The following RAB8B variants were observed in gnomAD, a reference collection of about 807,000 sequenced individuals.
RAB8B encodes ras-related protein Rab-8B.
A neutral mutation model predicts 32.0 loss-of-function variants in RAB8B; 11 were observed. The ratio of observed to expected loss-of-function variants is 0.34; its 90% CI spans 0.22 to 0.57. The LOEUF (loss-of-function observed/expected upper bound fraction) is 0.57, where lower values mean the gene tolerates loss of function less well. Ranked by LOEUF, RAB8B falls within the 20% of genes least tolerant of loss-of-function variation. RAB8B has a pLI of 0.86. For synonymous variants in RAB8B, 103 were observed against 89.6 expected (o/e 1.15, Z -0.85); for missense variants, 190 against 258.5 (o/e 0.73, Z 1.82).
Position 63,230,797 on chromosome 15 carries a change from A to C in RAB8B, c.125-13959A>C, listed in dbSNP as rs1455713752. Among the ~76,000 whole-genome samples the C allele has an allele frequency of 8.5e-5, 13 of 152,232 alleles. No homozygotes were observed. The South Asian group carries it at 2.7e-3, about 32-fold the overall frequency. ...TGTAGCCTTGAACTCCTAGGCTCAA[A>C]TGATCCTCCTGCCTCTGTCTCCCGA... On this transcript the variant is annotated intron_variant, in intron 1 of 7. Transcript: ENST00000321437.
At chr15:63,220,077 T>A (rs775392253) in intron 1 of RAB8B, among the ~76,000 whole-genome samples, 11 of 152,230 alleles carry the variant, frequency 7.2e-5, no homozygotes, top group Non-Finnish European at 4.4e-5. Context: ...AAATATCCAA[T>A]TATTTCCCCC....
intron 7 of RAB8B, 146 bp downstream of exon 7, chr15:63,262,888 C>T (rs2038214255): frequency 3.6e-6 from 1 of 277,596 alleles, no homozygotes; most frequent in Non-Finnish European, 7.0e-6. Flanking sequence ...ATTCTTAGTT[C>T]TGTTTGTTTA....
intron 1 of RAB8B, among the ~76,000 whole-genome samples, chr15:63,232,456 G>C (rs1015893903): frequency 2.0e-5 from 3 of 152,120 alleles, no homozygotes; most frequent in Admixed American, 6.5e-5. Flanking sequence ...GTTATATTTT[G>C]TTGGTATGAT....
At chr15:63,205,177 G>T (rs2037687962) in intron 1 of RAB8B, among the ~76,000 whole-genome samples, 1 of 152,150 alleles carries the variant, frequency 6.6e-6, no homozygotes, top group Non-Finnish European at 1.5e-5. Flanking sequence ...GTGGGCACCT[G>T]TAATCCCAGC....
At chr15:63,195,004 C>T (rs906840242) in intron 1 of RAB8B, among the ~76,000 whole-genome samples, 18 of 152,148 alleles carry the variant, frequency 1.2e-4, no homozygotes, top group Non-Finnish European at 1.0e-4. Flanking sequence ...CAAACTTTGT[C>T]ATATTTACAT....
chr15:63,202,255 G>A (rs1448389900), intron 1 of RAB8B, among the ~76,000 whole-genome samples: 5 of 150,820 alleles, frequency 3.3e-5, no homozygotes, highest in African/African-American at 9.8e-5. Context: ...TCCAGCCAGG[G>A]CGACAGAGCG....
At chr15:63,262,305 A>T (rs1412794745) in intron 6 of RAB8B, among the ~76,000 whole-genome samples, 1 of 152,154 alleles carries the variant, frequency 6.6e-6, no homozygotes, top group Non-Finnish European at 1.5e-5. Context: ...ATATCACATG[A>T]AGAAAATATT....
chr15:63,246,758 G>A (rs754813520), intron 2 of RAB8B, among the ~76,000 whole-genome samples: 5 of 152,168 alleles, frequency 3.3e-5, no homozygotes, highest in Non-Finnish European at 7.3e-5. Context: ...TTCTCCAGAG[G>A]TCGAATGGTA....
chr15:63,249,939 A>G (rs1314073308), intron 3 of RAB8B, among the ~76,000 whole-genome samples: 1 of 151,872 alleles, frequency 6.6e-6, no homozygotes, highest in Non-Finnish European at 1.5e-5. Flanking sequence ...GATCGAGACC[A>G]TCCTGGCTAA....
intron 1 of RAB8B, among the ~76,000 whole-genome samples, chr15:63,190,014 T>G (rs2037540993): frequency 7.1e-6 from 1 of 141,076 alleles, no homozygotes; most frequent in Non-Finnish European, 1.5e-5. Context: ...GGACTAGGGG[T>G]ATTGGGGGAA....
chr15:63,263,191 G>A (rs1424357572), intron 7 of RAB8B, among the ~76,000 whole-genome samples: 1 of 152,108 alleles, frequency 6.6e-6, no homozygotes, highest in African/African-American at 2.4e-5. Flanking sequence ...ACCTCTAACA[G>A]AACTGTCTAT....
chr15:63,192,675 A>G (rs1005351657), intron 1 of RAB8B, among the ~76,000 whole-genome samples: 2 of 152,258 alleles, frequency 1.3e-5, no homozygotes, highest in Admixed American at 6.5e-5. Context: ...AGTTTTAAAA[A>G]TGGTAATCTG....
At chr15:63,195,285 A>G (rs1163606587) in intron 1 of RAB8B, among the ~76,000 whole-genome samples, 2 of 152,234 alleles carry the variant, frequency 1.3e-5, no homozygotes, top group Non-Finnish European at 2.9e-5. Context: ...TTGATCATAA[A>G]GGATTAAACT....
In RAB8B at chr15:63,259,721, C is replaced by G; in HGVS notation, c.480+29C>G. On this transcript the variant is annotated intron_variant, in intron 6 of 7. Coordinates refer to ENST00000321437, the MANE Select transcript of RAB8B (RefSeq NM_016530.3). The surrounding 1 kb of genome is among the most constrained non-coding windows in gnomAD (Gnocchi z 4.4). ...AGAAGGAAACGTTTGGTGACTGTTA[C>G]GGAGCAGCACCAGTGCTTAGGGGCC... is the stretch of plus-strand genomic sequence containing the variant. The G allele has an allele frequency of 2.5e-6, 4 of 1,591,056 alleles. No homozygotes were observed. The highest frequency in any genetic ancestry group is 3.5e-6 in the Non-Finnish European group (4 of 1,159,336).
Position 63,190,607 on chromosome 15 carries a change from T to C in RAB8B, c.124+859T>C, listed in dbSNP as rs117937307. Among the ~76,000 whole-genome samples the C allele has an allele frequency of 1.5e-4, 23 of 152,296 alleles. No individual in the cohort carries two copies. In the East Asian group the frequency reaches 4.2e-3, roughly 28 times the overall value. Reference sequence around the variant, plus strand: ...GGATCAAGTGCAGGAGAAAGCAAAATGTGACTAATGATGGAATAATGTCTA... The same window carrying C: ...GGATCAAGTGCAGGAGAAAGCAAAACGTGACTAATGATGGAATAATGTCTA... On this transcript the variant is annotated intron_variant, in intron 1 of 7. Transcript: ENST00000321437.
At chr15:63,234,698 C>T (rs1030549054) in intron 1 of RAB8B, among the ~76,000 whole-genome samples, 1 of 152,178 alleles carries the variant, frequency 6.6e-6, no homozygotes, top group Non-Finnish European at 1.5e-5. Context: ...CTCTGATGCC[C>T]TGTGGGTTGC....
In RAB8B at chr15:63,244,731, A is replaced by G. The variant is rs755352245; in HGVS notation, c.125-25A>G. On this transcript the variant is annotated intron_variant, in intron 1 of 7. Transcript: ENST00000321437. ...TGGATTATATCTGAAGAAACTTAAC[A>G]TATCTTTCTTTGTTTTTCTGGCAGG... 9.2e-6 allele frequency: 14 copies of G among 1,516,534 alleles called. No homozygotes were observed. The Admixed American group carries it at 2.1e-4, about 23-fold the overall frequency. The allele number at this position is 1,516,534 out of a possible 1,614,324, so 93.9% of individuals were successfully genotyped here.
At chr15:63,214,137 T>G (rs2037771304) in intron 1 of RAB8B, among the ~76,000 whole-genome samples, 1 of 152,086 alleles carries the variant, frequency 6.6e-6, no homozygotes, top group African/African-American at 2.4e-5. Flanking sequence ...TGTAGAAATT[T>G]CCAGTGTTTA....
intron 5 of RAB8B, among the ~76,000 whole-genome samples, chr15:63,258,824 C>T (rs189173708): frequency 7.9e-5 from 12 of 152,254 alleles, no homozygotes; most frequent in East Asian, 1.9e-4. Flanking sequence ...CCTGCGCAGA[C>T]GTCTGATTGG....
Sources: gnomAD v4.1 joint callset for allele counts (sites outside exome capture counted in the v4.1 genomes callset) on GRCh38, gnomAD v4.1.1 for gene constraint, Gnocchi (gnomAD v3.1) non-coding constraint, MANE v1.5 for transcripts, NCBI Gene and HGNC (gene_info 2026-07-23, HGNC 2026-07-21) for gene names.